NEK1: variants seen among roughly 807,000 people sequenced by gnomAD.
NEK1 encodes NIMA related kinase 1.
A neutral mutation model predicts 182.1 loss-of-function variants in NEK1; 137 were observed. The ratio of observed to expected loss-of-function variants is 0.75; its 90% CI spans 0.65 to 0.87. NEK1 has a LOEUF of 0.87. Ranked by LOEUF, NEK1 falls within the 40% of genes least tolerant of loss-of-function variation. The pLI is 0.00. For missense variants in NEK1, 1,391 were observed against 1,494.4 expected, an observed-to-expected ratio of 0.93 and a Z score of 1.14; for synonymous variants, 513 against 492.2, an observed-to-expected ratio of 1.04 and a Z score of -0.56.
chr4:169,571,002 C>A (rs994493485), intron 12 of NEK1, among the ~76,000 whole-genome samples: 3 of 151,724 alleles, frequency 2.0e-5, no homozygotes, highest in Non-Finnish European at 4.4e-5. Context: ...AGAGTCATCA[C>A]CACTCCCTAA....
intron 27 of NEK1, among the ~76,000 whole-genome samples, chr4:169,442,902 G>A (rs898237089): frequency 5.9e-5 from 9 of 151,680 alleles, no homozygotes; most frequent in African/African-American, 2.2e-4. Flanking sequence ...GTCAGGTGTG[G>A]TGGCATGTGC....
At chr4:169,403,512 G>A (rs1732045152) in intron 32 of NEK1, among the ~76,000 whole-genome samples, 1 of 152,170 alleles carries the variant, frequency 6.6e-6, no homozygotes, top group Non-Finnish European at 1.5e-5. Context: ...CAAGGCTGCT[G>A]TGAACTATGA....
Position 169,590,223 on chromosome 4 carries a change from G to A in NEK1, c.396+503C>T, listed in dbSNP as rs1043421070. ...CTCGTTGGTCTGAGGCAGGAGAATC[G>A]CTTGAACCTGGGAGGCGGAGGTTGT... is the stretch of plus-strand genomic sequence containing the variant. On this transcript the variant is annotated intron_variant, in intron 6 of 35. Transcript: ENST00000507142. 5.3e-5 allele frequency among the ~76,000 whole-genome samples: 8 copies of A among 152,258 alleles called. No individual in the cohort carries two copies. The South Asian group carries it at 8.3e-4, about 16-fold the overall frequency.
At chr4:169,453,339 G>A (rs1370670167) in intron 27 of NEK1, among the ~76,000 whole-genome samples, 1 of 152,174 alleles carries the variant, frequency 6.6e-6, no homozygotes, top group Non-Finnish European at 1.5e-5. Flanking sequence ...AACCAAAAAA[G>A]AGCCCACATT....
chr4:169,400,048 GTA>G, intron 35 of NEK1, 175 bp downstream of exon 35: 1 of 702,126 alleles, frequency 1.4e-6, no homozygotes, highest in East Asian at 2.8e-5. Flanking sequence ...GTCAGTAAAA[GTA>G]TATGACAGAT....
intron 23 of NEK1, among the ~76,000 whole-genome samples, chr4:169,492,240 C>T (rs959946614): frequency 2.0e-5 from 3 of 152,150 alleles, no homozygotes; most frequent in African/African-American, 4.8e-5. Context: ...ATTGTGACTA[C>T]GGACATCTCA....
intron 26 of NEK1, among the ~76,000 whole-genome samples, chr4:169,473,916 T>G (rs1421524818): frequency 6.6e-6 from 1 of 152,080 alleles, no homozygotes; most frequent in Non-Finnish European, 1.5e-5. Context: ...ATAGTGACCA[T>G]GAAAAGAATT....
At chr4:169,596,186 G>C (rs367860389) in intron 5 of NEK1, among the ~76,000 whole-genome samples, 1 of 152,072 alleles carries the variant, frequency 6.6e-6, no homozygotes, top group Non-Finnish European at 1.5e-5. Context: ...CAAATAATAA[G>C]AGTTTTTAAA....
chr4:169,534,446 A>G (rs1758143872), intron 19 of NEK1, among the ~76,000 whole-genome samples: 1 of 152,196 alleles, frequency 6.6e-6, no homozygotes, highest in Non-Finnish European at 1.5e-5. Flanking sequence ...AATTTCCAGG[A>G]CAGAGTTGCA....
At chr4:169,478,126 G>A (rs951089702) in intron 24 of NEK1, among the ~76,000 whole-genome samples, 3 of 151,836 alleles carry the variant, frequency 2.0e-5, no homozygotes, top group African/African-American at 7.3e-5. Context: ...AAAAACATAC[G>A]AAAAGAAGAA....
intron 26 of NEK1, among the ~76,000 whole-genome samples, chr4:169,473,818 C>T (rs373923378): frequency 4.6e-5 from 7 of 152,038 alleles, no homozygotes; most frequent in Non-Finnish European, 7.4e-5. Context: ...TGTGAGCACA[C>T]GTGCGTGTGG....
chr4:169,607,454 T>A (rs1219898790), intron 2 of NEK1, among the ~76,000 whole-genome samples: 3 of 151,858 alleles, frequency 2.0e-5, no homozygotes, highest in South Asian at 2.1e-4. Flanking sequence ...AGAATTAAAA[T>A]TTTTTTTTAA....
At chr4:169,576,233 G>A (rs1765672857) in intron 12 of NEK1, among the ~76,000 whole-genome samples, 1 of 152,100 alleles carries the variant, frequency 6.6e-6, no homozygotes, top group South Asian at 2.1e-4. Flanking sequence ...CCAAAGTGCT[G>A]GGATTACAGG....
intron 26 of NEK1, among the ~76,000 whole-genome samples, chr4:169,475,960 A>G (rs1196880879): frequency 1.3e-5 from 2 of 152,144 alleles, no homozygotes; most frequent in African/African-American, 4.8e-5. Flanking sequence ...GAGGTATGAG[A>G]CAGAAAGTAA....
intron 19 of NEK1, 119 bp from the exon 20 acceptor site, chr4:169,508,971 T>TA: frequency 1.4e-6 from 1 of 715,078 alleles, no homozygotes; most frequent in Non-Finnish European, 2.2e-6. Context: ...TTATTGATGA[T>TA]AAACTGTGAT....
At chr4:169,447,649 T>C (rs1740823503) in intron 27 of NEK1, among the ~76,000 whole-genome samples, 2 of 152,096 alleles carry the variant, frequency 1.3e-5, no homozygotes, top group African/African-American at 4.8e-5. Flanking sequence ...GGTGGATCAC[T>C]TGAGGTGAGA....
chr4:169,539,266 G>A (rs1759003233), intron 18 of NEK1, among the ~76,000 whole-genome samples: 1 of 152,122 alleles, frequency 6.6e-6, no homozygotes, highest in Non-Finnish European at 1.5e-5. Flanking sequence ...TTAGCCACTG[G>A]AAAATTCTGA....
intron 23 of NEK1, among the ~76,000 whole-genome samples, chr4:169,494,453 T>C (rs1355077837): frequency 6.6e-6 from 1 of 152,248 alleles, no homozygotes; most frequent in East Asian, 1.9e-4. Context: ...CTGCATAGTA[T>C]TCCATGGTGT....
intron 12 of NEK1, among the ~76,000 whole-genome samples, chr4:169,575,285 G>A (rs75142641): frequency 0.012 from 1,876 of 152,360 alleles, 19 homozygotes; most frequent in Non-Finnish European, 0.019. Flanking sequence ...TGTCCAGCTT[G>A]TGATGCTAGA....
Sources: gnomAD v4.1 joint callset for allele counts (sites outside exome capture counted in the v4.1 genomes callset) on GRCh38, gnomAD v4.1.1 for gene constraint, MANE v1.5 for transcripts, NCBI Gene and HGNC (gene_info 2026-07-23, HGNC 2026-07-21) for gene names.